AGBL4: variants seen among roughly 807,000 people sequenced by gnomAD.
AGBL4 encodes the protein cytosolic carboxypeptidase 6.
In AGBL4, 58 loss-of-function variants were observed where a neutral mutation model predicts 66.4. That is an observed-to-expected ratio of 0.87 (90% confidence interval 0.71 to 1.09). The LOEUF is 1.09. AGBL4 is among the 50% of genes least tolerant of loss of function. The probability of loss-of-function intolerance (pLI) is 0.00; values close to 1 mark genes in which losing one functional copy is unlikely to be tolerated. For synonymous variants in AGBL4, 234 were observed against 222.9 expected (o/e 1.05, Z -0.44); for missense variants, 579 against 631.0 (o/e 0.92, Z 0.88).
chr1:48,534,044 T>C lies in AGBL4; in HGVS notation c.*129A>G. The C allele has an allele frequency of 7.2e-7, 1 of 1,385,714 alleles. No homozygotes were observed. Among genetic ancestry groups the C allele is most frequent in the Non-Finnish European group, 1.0e-6 (1 of 998,380 alleles). 85.8% of individuals were successfully genotyped at this position (1,385,714 alleles called of 1,614,324 possible). ...ATCAGTGATGAAGTTTCTCATTGTA[T>C]CCCTTCCCTTTCACTAGCCTATGCA... On this transcript the variant is annotated 3_prime_UTR_variant, in exon 14 of 14. Coordinates refer to ENST00000371839, the MANE Select transcript of AGBL4 (RefSeq NM_032785.4).
intron 1 of AGBL4, among the ~76,000 whole-genome samples, chr1:49,864,736 G>A (rs1040910694): frequency 7.2e-5 from 11 of 152,186 alleles, no homozygotes; most frequent in East Asian, 5.8e-4. Context: ...CAGATTCTTG[G>A]CAGTAGTTCA....
chr1:49,562,746 G>A (rs1644083944), intron 3 of AGBL4, among the ~76,000 whole-genome samples: 1 of 152,120 alleles, frequency 6.6e-6, no homozygotes, highest in African/African-American at 2.4e-5. Context: ...GTAGCGTGAT[G>A]CCTCCAGCTT....
intron 2 of AGBL4, among the ~76,000 whole-genome samples, chr1:49,738,939 A>G (rs1193282288): frequency 6.6e-6 from 1 of 152,176 alleles, no homozygotes; most frequent in Non-Finnish European, 1.5e-5. Flanking sequence ...GGTAGATAAA[A>G]CCACAAAGAT....
intron 1 of AGBL4, among the ~76,000 whole-genome samples, chr1:49,966,266 G>A (rs1330486837): frequency 6.6e-6 from 1 of 151,906 alleles, no homozygotes; most frequent in East Asian, 1.9e-4. Flanking sequence ...ATAGTTTGTT[G>A]TATTTCTTTC....
At chr1:49,712,553 G>A (rs1647754648) in intron 2 of AGBL4, among the ~76,000 whole-genome samples, 1 of 151,832 alleles carries the variant, frequency 6.6e-6, no homozygotes, top group African/African-American at 2.4e-5. Flanking sequence ...GAGGACTATA[G>A]TTAATAATAT....
At position 48,947,216 on chromosome 1, in the gene AGBL4, T is replaced by C. The variant is rs139981682; in HGVS notation, c.595-79986A>G. ...GTTAGGTTAGGCCTCCCCTTGTATG[T>C]TTTCTTAGCACCTTGTGCTTCTCCT... On this transcript the variant is annotated intron_variant, in intron 5 of 13. Coordinates refer to ENST00000371839, the MANE Select transcript of AGBL4 (RefSeq NM_032785.4). 4.5e-4 allele frequency among the ~76,000 whole-genome samples: 69 copies of C among 152,340 alleles called. 1 individual carries two copies. The South Asian group carries it at 9.7e-3, about 21-fold the overall frequency.
At chr1:48,815,683 G>C (rs1263996099) in intron 6 of AGBL4, among the ~76,000 whole-genome samples, 2 of 152,184 alleles carry the variant, frequency 1.3e-5, no homozygotes, top group East Asian at 1.9e-4. Context: ...ACAGTAGGTA[G>C]AAAGTGAAAG....
At chr1:49,344,644 C>T (rs1645604302) in intron 3 of AGBL4, among the ~76,000 whole-genome samples, 1 of 152,046 alleles carries the variant, frequency 6.6e-6, no homozygotes, top group African/African-American at 2.4e-5. Context: ...TGCTCTTTAA[C>T]CCCAATAAAC....
intron 3 of AGBL4, among the ~76,000 whole-genome samples, chr1:49,334,121 T>C (rs1229643251): frequency 6.6e-6 from 1 of 152,204 alleles, no homozygotes; most frequent in Non-Finnish European, 1.5e-5. Flanking sequence ...TTAAAGTACG[T>C]TCATACACAT....
intron 5 of AGBL4, among the ~76,000 whole-genome samples, chr1:48,996,817 CCCTTCCTT>C (rs58530293): frequency 0.062 from 9,213 of 147,834 alleles, 351 homozygotes; most frequent in African/African-American, 0.095. Context: ...CTTCCTTCCT[CCCTTCCTT>C]CCTTCCTTCC....
At chr1:49,205,107 C>T (rs1162864281) in intron 4 of AGBL4, among the ~76,000 whole-genome samples, 3 of 152,090 alleles carry the variant, frequency 2.0e-5, no homozygotes, top group Non-Finnish European at 4.4e-5. Flanking sequence ...TAGACGAACT[C>T]CATCTGTCCT....
chr1:49,168,129 T>C (rs543048473), intron 4 of AGBL4, among the ~76,000 whole-genome samples: 2 of 152,312 alleles, frequency 1.3e-5, no homozygotes, highest in Admixed American at 1.3e-4. Context: ...AGGGGGCTCC[T>C]GGAACGAATA....
At chr1:49,336,825 G>A (rs1164457449) in intron 3 of AGBL4, among the ~76,000 whole-genome samples, 2 of 152,134 alleles carry the variant, frequency 1.3e-5, no homozygotes, top group African/African-American at 2.4e-5. Context: ...GCCTAGAACA[G>A]TTTCTAAACT....
chr1:49,216,142 A>C (rs1649070640), intron 4 of AGBL4, among the ~76,000 whole-genome samples: 2 of 152,160 alleles, frequency 1.3e-5, no homozygotes, highest in South Asian at 4.1e-4. Flanking sequence ...TTACAGTACA[A>C]TCTGGAAAGT....
chr1:49,870,933 T>C (rs1245212456), intron 1 of AGBL4, among the ~76,000 whole-genome samples: 1 of 152,138 alleles, frequency 6.6e-6, no homozygotes, highest in Non-Finnish European at 1.5e-5. Context: ...ACACAGTTCA[T>C]AAAGCCTCAT....
chr1:49,222,058 C>G (rs1349609851), intron 4 of AGBL4, among the ~76,000 whole-genome samples: 2 of 152,100 alleles, frequency 1.3e-5, no homozygotes, highest in Non-Finnish European at 2.9e-5. Context: ...ACCATTCTAT[C>G]AACCAAAAAT....
chr1:48,609,154 A>C (rs1047481488), intron 9 of AGBL4, among the ~76,000 whole-genome samples: 4 of 152,110 alleles, frequency 2.6e-5, no homozygotes, highest in African/African-American at 9.7e-5. Context: ...AGATGGATGG[A>C]TACATGCTGA....
chr1:48,760,629 G>T (rs971407798), intron 6 of AGBL4, among the ~76,000 whole-genome samples: 2 of 152,228 alleles, frequency 1.3e-5, no homozygotes, highest in African/African-American at 4.8e-5. Flanking sequence ...CGCATAGCAG[G>T]AGTACAATGA....
At chr1:48,830,180 C>T (rs977496947) in intron 6 of AGBL4, among the ~76,000 whole-genome samples, 12 of 152,286 alleles carry the variant, frequency 7.9e-5, no homozygotes, top group African/African-American at 2.2e-4. Context: ...ATTTTTGCTG[C>T]GCCTCAGTCG....
Sources: allele counts gnomAD v4.1 joint callset (sites outside exome capture counted in the v4.1 genomes callset), GRCh38; gene constraint gnomAD v4.1.1; transcripts MANE v1.5; gene names NCBI Gene and HGNC (gene_info 2026-07-23, HGNC 2026-07-21).